PIK3C3: variants seen among roughly 807,000 people sequenced by gnomAD.
PIK3C3 encodes phosphatidylinositol 3-kinase catalytic subunit type 3.
In PIK3C3, 95 loss-of-function variants were observed where a neutral mutation model predicts 126.1. That is an observed-to-expected ratio of 0.75 (90% CI 0.64 to 0.89). PIK3C3 has a LOEUF of 0.89. Ranked by LOEUF, PIK3C3 falls within the 40% of genes least tolerant of loss-of-function variation. The pLI is 0.00. For missense variants in PIK3C3, 829 were observed against 1,063.2 expected, an observed-to-expected ratio of 0.78 and a Z score of 3.06; for synonymous variants, 374 against 360.0, an observed-to-expected ratio of 1.04 and a Z score of -0.44.
intron 7 of PIK3C3, among the ~76,000 whole-genome samples, chr18:41,994,756 G>A (rs546748743): frequency 4.6e-5 from 7 of 152,058 alleles, no homozygotes; most frequent in East Asian, 1.9e-4. Context: ...ATGAAACTAG[G>A]CCAAACATGG....
intron 9 of PIK3C3, among the ~76,000 whole-genome samples, chr18:42,003,962 G>A (rs1169126630): frequency 1.3e-5 from 2 of 152,142 alleles, no homozygotes; most frequent in African/African-American, 4.8e-5. Flanking sequence ...CCGGCCCTTC[G>A]CTCAGTGGTT....
chr18:42,027,389 A>G, intron 13 of PIK3C3, 54 bp from the exon 14 acceptor site: 9 of 991,032 alleles, frequency 9.1e-6, no homozygotes, highest in Non-Finnish European at 1.2e-5. Context: ...AGTATTTACA[A>G]ACTGAATCTA....
At chr18:42,079,248 C>T (rs149144931) in intron 24 of PIK3C3, among the ~76,000 whole-genome samples, 1 of 152,198 alleles carries the variant, frequency 6.6e-6, no homozygotes, top group East Asian at 1.9e-4. Context: ...GGCCTAATTT[C>T]CATATTGTTG....
intron 4 of PIK3C3, chr18:41,970,709 AAAAG>A: frequency 1.7e-6 from 1 of 590,896 alleles, no homozygotes; most frequent in Non-Finnish European, 3.0e-6. Flanking sequence ...CATCACCCCT[AAAAG>A]AAACCGCACC....
At chr18:41,961,526 TTTG>T (rs1216989871) in intron 2 of PIK3C3, among the ~76,000 whole-genome samples, 1 of 151,618 alleles carries the variant, frequency 6.6e-6, no homozygotes, top group Non-Finnish European at 1.5e-5. Context: ...ATATAAATGA[TTTG>T]TTGTTTAAGT....
chr18:42,004,628 T>TGA (rs989915408), intron 10 of PIK3C3, 87 bp downstream of exon 10: 5 of 1,032,200 alleles, frequency 4.8e-6, no homozygotes, highest in Non-Finnish European at 7.0e-6. Context: ...TGTGTGAGAG[T>TGA]GAGAGAGAGA....
intron 10 of PIK3C3, among the ~76,000 whole-genome samples, chr18:42,012,754 T>G (rs1032382143): frequency 1.3e-5 from 2 of 152,156 alleles, no homozygotes; most frequent in Non-Finnish European, 2.9e-5. Flanking sequence ...GTTATCTCAT[T>G]GATTGTCACT....
rs534414566 is a variant in PIK3C3 at position 42,048,271 on chromosome 18, T to A, written c.2189-1260T>A. On this transcript the variant is annotated intron_variant, in intron 20 of 24. Transcript: ENST00000262039. ...GGTGATTAGGACCAGGTGAAGGCTC[T>A]GTGTTTCTCTGTGATTCTCTTGCCC... Among the ~76,000 whole-genome samples, 5 of 152,358 alleles carry A rather than the reference T, an allele frequency of 3.3e-5. No homozygotes were observed. In the East Asian group the frequency reaches 9.6e-4, roughly 29 times the overall value.
At position 42,083,083 on chromosome 18, in the gene PIK3C3, AC is replaced by A. The variant is rs1200117936; in HGVS notation, c.*1947del. 6.6e-6 allele frequency: 1 copy of A among 152,206 alleles called. No individual in the cohort carries two copies. The highest frequency in any genetic ancestry group is 1.5e-5 in the Non-Finnish European group (1 of 68,048). 9.4% of individuals were successfully genotyped at this position (152,206 alleles called of 1,614,324 possible). On this transcript the variant is annotated 3_prime_UTR_variant, in exon 25 of 25. Coordinates refer to ENST00000262039, the MANE Select transcript of PIK3C3 (RefSeq NM_002647.4). ...GAAGGAGCATCTCTCAGGAGGGTAA[AC>A]AGTAGCTGTGGTTTTGCTGAGAGAT... is the stretch of plus-strand genomic sequence containing the variant.
chr18:42,070,182 G>A (rs933862147), intron 24 of PIK3C3, among the ~76,000 whole-genome samples: 2 of 152,168 alleles, frequency 1.3e-5, no homozygotes, highest in African/African-American at 4.8e-5. Flanking sequence ...AGGATATGAA[G>A]GCAGACGTGG....
chr18:42,055,217 G>A (rs577416039), intron 21 of PIK3C3, among the ~76,000 whole-genome samples: 3 of 151,910 alleles, frequency 2.0e-5, no homozygotes, highest in South Asian at 2.1e-4. Context: ...AAAGAGCTTC[G>A]TACCTCCCCT....
intron 24 of PIK3C3, among the ~76,000 whole-genome samples, chr18:42,072,208 C>T (rs1985803974): frequency 1.3e-5 from 2 of 152,190 alleles, no homozygotes; most frequent in South Asian, 2.1e-4. Context: ...AATTTTAGTA[C>T]ATTCCCATTA....
chr18:42,073,492 A>G (rs966690640), intron 24 of PIK3C3, among the ~76,000 whole-genome samples: 2 of 152,210 alleles, frequency 1.3e-5, no homozygotes, highest in African/African-American at 4.8e-5. Context: ...TCAGTTATCA[A>G]GTGCCTCTCA....
At chr18:42,074,511 C>CT (rs1439935650) in intron 24 of PIK3C3, among the ~76,000 whole-genome samples, 8 of 152,028 alleles carry the variant, frequency 5.3e-5, no homozygotes, top group African/African-American at 1.7e-4. Flanking sequence ...TGATAAAACT[C>CT]TAATTCATGA....
At chr18:41,968,060 C>G (rs965314514) in intron 3 of PIK3C3, among the ~76,000 whole-genome samples, 3 of 152,202 alleles carry the variant, frequency 2.0e-5, no homozygotes, top group East Asian at 1.9e-4. Flanking sequence ...TTCACTTGCT[C>G]ATTTGAGTCA....
chr18:42,061,231 C>T (rs975981397), intron 22 of PIK3C3, among the ~76,000 whole-genome samples: 6 of 152,252 alleles, frequency 3.9e-5, no homozygotes, highest in South Asian at 4.2e-4. Context: ...AGATTTTGCA[C>T]GCTTTCCCAC....
At chr18:42,020,395 C>G (rs952907824) in intron 12 of PIK3C3, among the ~76,000 whole-genome samples, 1 of 152,088 alleles carries the variant, frequency 6.6e-6, no homozygotes, top group Admixed American at 6.6e-5. Context: ...ATGTCTCTCT[C>G]CTCTACCAAT....
intron 4 of PIK3C3, among the ~76,000 whole-genome samples, chr18:41,972,938 G>A (rs1980739885): frequency 6.6e-6 from 1 of 151,980 alleles, no homozygotes; most frequent in Non-Finnish European, 1.5e-5. Context: ...TTGGGCACTT[G>A]GAAATGCATT....
rs1598902656 is a variant in PIK3C3, at chr18:42,020,669, C to T, written c.1448C>T (p.Ala483Val). ...CTCTGTACCTTCTTGATATCGAGAG[C>T]CTGCAAAAACTCAACACTGGCTAAT... Reference protein sequence around the residue: ...QDLCTFLISRACKNSTLANYL... With the variant: ...QDLCTFLISRVCKNSTLANYL... Residue 483 changes from alanine to valine, a missense_variant, in exon 13 of 25, where the codon GCC (alanine) becomes GTC (valine). This residue lies in a region of PIK3C3 where 256 missense variants were observed against 291.0 expected (regional missense o/e 0.88). Coordinates refer to ENST00000262039, the MANE Select transcript of PIK3C3 (RefSeq NM_002647.4). 1 of 1,604,334 alleles carries T rather than the reference C, an allele frequency of 6.2e-7. No homozygotes were observed. Among genetic ancestry groups the T allele is most frequent in the Non-Finnish European group, 8.5e-7 (1 of 1,172,426 alleles).
Sources: gnomAD v4.1 joint callset for allele counts (sites outside exome capture counted in the v4.1 genomes callset) on GRCh38, gnomAD v4.1.1 for gene constraint, gnomAD v4.1.1 regional missense constraint, MANE v1.5 for transcripts, NCBI Gene and HGNC (gene_info 2026-07-23, HGNC 2026-07-21) for gene names.